The following BLTP3A variants were observed in gnomAD, a reference collection of about 807,000 sequenced individuals.
BLTP3A encodes the protein bridge-like lipid transfer protein family member 3A.
the BLTP3A span, among the ~76,000 whole-genome samples, chr6:34,803,671 C>A: frequency 7.4e-3 from 1,125 of 152,284 alleles, 21 homozygotes; most frequent in African/African-American, 0.026. Flanking sequence ...CACAGATACT[C>A]CAAAAGTTCC....
chr6:34,837,438 C>T, the BLTP3A span, among the ~76,000 whole-genome samples: 1 of 152,036 alleles, frequency 6.6e-6, no homozygotes, highest in South Asian at 2.1e-4. Context: ...AGTCCTATCA[C>T]TTTGGGAGGC....
At chr6:34,824,267 T>C in the BLTP3A span, among the ~76,000 whole-genome samples, 5 of 152,112 alleles carry the variant, frequency 3.3e-5, no homozygotes, top group Admixed American at 1.3e-4. Context: ...GCGCGGTGGC[T>C]CACGCCTGTA....
chr6:34,857,040 G>A, the BLTP3A span: 2 of 1,352,432 alleles, frequency 1.5e-6, no homozygotes, highest in African/African-American at 2.9e-5. Flanking sequence ...CCTCACTTCT[G>A]GGAAGATTAA....
At chr6:34,808,211 C>T in the BLTP3A span, among the ~76,000 whole-genome samples, 2 of 151,066 alleles carry the variant, frequency 1.3e-5, no homozygotes, top group Non-Finnish European at 3.0e-5. Context: ...GGCGTGGTGG[C>T]GGGCACCTGT....
the BLTP3A span, among the ~76,000 whole-genome samples, chr6:34,820,746 C>T: frequency 2.0e-5 from 3 of 149,162 alleles, no homozygotes; most frequent in East Asian, 3.9e-4. Flanking sequence ...GTCATGATCA[C>T]GGCTCACTGC....
the BLTP3A span, among the ~76,000 whole-genome samples, chr6:34,862,549 T>C: frequency 6.7e-6 from 1 of 149,026 alleles, no homozygotes; most frequent in African/African-American, 2.5e-5. Flanking sequence ...TGTTAAAACA[T>C]AGTGGCTGGG....
the BLTP3A span, among the ~76,000 whole-genome samples, chr6:34,817,371 T>A: frequency 1.3e-5 from 2 of 152,198 alleles, no homozygotes; most frequent in Non-Finnish European, 2.9e-5. Context: ...ACTCAGTAAA[T>A]GTAGATTAAA....
At chr6:34,850,076 G>T in the BLTP3A span, among the ~76,000 whole-genome samples, 1 of 146,004 alleles carries the variant, frequency 6.8e-6, no homozygotes, top group Non-Finnish European at 1.5e-5. Flanking sequence ...CTGGGAGGTG[G>T]AGGTTGTGGT....
chr6:34,845,824 C>A, the BLTP3A span, among the ~76,000 whole-genome samples: 4 of 151,922 alleles, frequency 2.6e-5, no homozygotes, highest in Non-Finnish European at 4.4e-5. Context: ...GTCTCGATCT[C>A]CTGACTTTGT....
the BLTP3A span, among the ~76,000 whole-genome samples, chr6:34,792,607 C>T: frequency 2.6e-5 from 4 of 152,168 alleles, no homozygotes; most frequent in East Asian, 7.7e-4. Flanking sequence ...GCTGTCCCCA[C>T]CTCCCACACC....
chr6:34,827,157 A>C, the BLTP3A span, among the ~76,000 whole-genome samples: 3 of 152,014 alleles, frequency 2.0e-5, no homozygotes, highest in South Asian at 2.1e-4. Flanking sequence ...CTAAAATACA[A>C]AAAATTAGCC....
At chr6:34,828,215 G>A in the BLTP3A span, among the ~76,000 whole-genome samples, 1 of 152,172 alleles carries the variant, frequency 6.6e-6, no homozygotes, top group African/African-American at 2.4e-5. Context: ...CAGTTTGGGA[G>A]GCTGAGGTGG....
the BLTP3A span, among the ~76,000 whole-genome samples, chr6:34,798,288 T>G: frequency 6.6e-6 from 1 of 152,194 alleles, no homozygotes; most frequent in Non-Finnish European, 1.5e-5. Flanking sequence ...ACTTGTACAT[T>G]TTACTGTTGA....
chr6:34,867,139 A>T, the BLTP3A span: 2 of 1,397,258 alleles, frequency 1.4e-6, no homozygotes, highest in East Asian at 4.9e-5. Context: ...ATTTTGTTTT[A>T]TTTTTACAGT....
chr6:34,798,552 T>C, the BLTP3A span, among the ~76,000 whole-genome samples: 1 of 151,570 alleles, frequency 6.6e-6, no homozygotes, highest in Admixed American at 6.6e-5. Flanking sequence ...GTGCTTTGCA[T>C]TGTAGCCATT....
At chr6:34,805,297 A>C in the BLTP3A span, among the ~76,000 whole-genome samples, 1 of 151,908 alleles carries the variant, frequency 6.6e-6, no homozygotes, top group African/African-American at 2.4e-5. Flanking sequence ...AAAATAGTTA[A>C]ATATAAGCTG....
chr6:34,871,187 G>A, the BLTP3A span: 1 of 1,527,692 alleles, frequency 6.5e-7, no homozygotes, highest in African/African-American at 1.4e-5. Flanking sequence ...GTCAAGCAAG[G>A]AAGCAGTGAC....
chr6:34,815,539 C>T, the BLTP3A span, among the ~76,000 whole-genome samples: 6 of 151,774 alleles, frequency 4.0e-5, no homozygotes, highest in African/African-American at 1.5e-4. Flanking sequence ...GGTGAGCCAC[C>T]GTGTCTGGCC....
chr6:34,799,501 A>AG, the BLTP3A span, among the ~76,000 whole-genome samples: 986 of 152,202 alleles, frequency 6.5e-3, 11 homozygotes, highest in African/African-American at 0.023. Flanking sequence ...GAAAAAAAAA[A>AG]AAAGTATTTA....
Sources: gnomAD v4.1 joint callset for allele counts (sites outside exome capture counted in the v4.1 genomes callset) on GRCh38, gnomAD v4.1.1 for gene constraint, MANE v1.5 for transcripts, NCBI Gene and HGNC (gene_info 2026-07-23, HGNC 2026-07-21) for gene names.